GRID1: variants seen among roughly 807,000 people sequenced by gnomAD.
The protein encoded by GRID1 is glutamate receptor ionotropic, delta-1.
In GRID1, 28 loss-of-function variants were observed where a neutral mutation model predicts 98.0. The observed-to-expected ratio is 0.29, with a 90% CI of 0.21 to 0.39. The LOEUF (loss-of-function observed/expected upper bound fraction) is 0.39, where lower values mean the gene tolerates loss of function less well. Among genes scored for constraint, GRID1 ranks in the 10% least tolerant of loss-of-function variants. The pLI is 1.00. For synonymous variants in GRID1, 553 were observed against 538.5 expected (o/e 1.03, Z -0.37); for missense variants, 1,111 against 1,340.5 (o/e 0.83, Z 2.67).
chr10:85,846,593 A>G lies in GRID1; in HGVS notation c.1233+7903T>C, dbSNP rs369308256. Reference sequence around the variant, plus strand: ...GGCAGACAGAAAAAAAATACAAAACATGATTAAACAAATTAGACCTAGTTC... The same window carrying G: ...GGCAGACAGAAAAAAAATACAAAACGTGATTAAACAAATTAGACCTAGTTC... On this transcript the variant is annotated intron_variant, in intron 8 of 15. Transcript: ENST00000327946. Among the ~76,000 whole-genome samples, 340 of 152,324 alleles carry G rather than the reference A, an allele frequency of 2.2e-3. 3 individuals are homozygous for G. The highest frequency in any genetic ancestry group is 7.7e-3 in the African/African-American group (321 of 41,578).
At position 85,999,223 on chromosome 10, in the gene GRID1, AAAAAG is replaced by A. The variant is rs1226461181; in HGVS notation, c.727-82989_727-82985del. ...CAAGACTCTATTTCAAAAAAAAAAA[AAAAAG>A]AAAGAAAGAAAGAAAAACACAAACA... On this transcript the variant is annotated intron_variant, in intron 4 of 15. Coordinates refer to ENST00000327946, the MANE Select transcript of GRID1 (RefSeq NM_017551.3). Among the ~76,000 whole-genome samples, 253 of 151,862 alleles carry A rather than the reference AAAAAG, an allele frequency of 1.7e-3. 1 individual carries two copies. Among genetic ancestry groups the A allele is most frequent in the African/African-American group, 5.7e-3 (237 of 41,450 alleles).
intron 4 of GRID1, among the ~76,000 whole-genome samples, chr10:86,074,460 G>A (rs1270970548): frequency 6.6e-6 from 1 of 152,118 alleles, no homozygotes; most frequent in African/African-American, 2.4e-5. Flanking sequence ...TTAAGATAAT[G>A]ACCTAATTTA....
chr10:85,660,292 C>G (rs1352603028), intron 12 of GRID1, among the ~76,000 whole-genome samples: 1 of 152,170 alleles, frequency 6.6e-6, no homozygotes, highest in Non-Finnish European at 1.5e-5. Flanking sequence ...ATTATTCATC[C>G]CATTGACTTT....
At chr10:86,203,384 A>G (rs1435154744) in intron 3 of GRID1, among the ~76,000 whole-genome samples, 1 of 151,968 alleles carries the variant, frequency 6.6e-6, no homozygotes, top group African/African-American at 2.4e-5. Flanking sequence ...CCGAGGGAGC[A>G]GCCACACTTG....
chr10:86,099,025 G>GACTTTGTAATT (rs1156673083), intron 4 of GRID1, among the ~76,000 whole-genome samples: 3 of 152,198 alleles, frequency 2.0e-5, no homozygotes, highest in African/African-American at 7.2e-5. Context: ...TTCTTTGTAA[G>GACTTTGTAATT]ACTAATGGGA....
chr10:86,155,777 G>A (rs1245647727), intron 3 of GRID1, among the ~76,000 whole-genome samples: 3 of 152,218 alleles, frequency 2.0e-5, no homozygotes, highest in Non-Finnish European at 4.4e-5. Context: ...GGAATAGGGA[G>A]GGCAGGAGGG....
intron 4 of GRID1, among the ~76,000 whole-genome samples, chr10:86,106,249 C>T (rs767728207): frequency 2.0e-5 from 3 of 152,214 alleles, no homozygotes; most frequent in Admixed American, 6.5e-5. Context: ...CAATGTCCAA[C>T]AACAGGAAAC....
chr10:85,738,478 C>A (rs1332311028), intron 8 of GRID1, among the ~76,000 whole-genome samples: 1 of 152,184 alleles, frequency 6.6e-6, no homozygotes, highest in Non-Finnish European at 1.5e-5. Context: ...ATGTTAAGCC[C>A]AGCAATTCCA....
At chr10:85,769,987 T>C (rs917742762) in intron 8 of GRID1, among the ~76,000 whole-genome samples, 2 of 152,196 alleles carry the variant, frequency 1.3e-5, no homozygotes, top group Non-Finnish European at 1.5e-5. Flanking sequence ...TCTCCCAGCA[T>C]GCAGCTGGAG....
At chr10:86,117,625 A>G (rs912888910) in intron 4 of GRID1, among the ~76,000 whole-genome samples, 1 of 150,444 alleles carries the variant, frequency 6.6e-6, no homozygotes, top group Non-Finnish European at 1.5e-5. Context: ...CACCACCACC[A>G]TCACCACCAC....
chr10:86,253,278 C>T (rs1240208329), intron 2 of GRID1, among the ~76,000 whole-genome samples: 1 of 152,260 alleles, frequency 6.6e-6, no homozygotes, highest in African/African-American at 2.4e-5. Context: ...GAGGCCTGCT[C>T]TTGGGAGAAC....
At chr10:86,056,108 G>A (rs972021221) in intron 4 of GRID1, among the ~76,000 whole-genome samples, 3 of 152,134 alleles carry the variant, frequency 2.0e-5, no homozygotes, top group Non-Finnish European at 4.4e-5. Context: ...GCTGTGACCA[G>A]AGCAGGTGGA....
intron 8 of GRID1, among the ~76,000 whole-genome samples, chr10:85,798,349 T>C (rs1213263250): frequency 2.6e-5 from 4 of 152,168 alleles, no homozygotes; most frequent in African/African-American, 7.2e-5. Context: ...TCAGACAATA[T>C]AGAAATTAAG....
At chr10:85,991,948 C>T (rs10887540) in intron 4 of GRID1, among the ~76,000 whole-genome samples, 108,636 of 152,048 alleles carry the variant, frequency 0.71, 39,281 homozygotes, top group South Asian at 0.85. Flanking sequence ...AGGAAGAGAT[C>T]AGTAATGCAG....
chr10:86,055,031 G>C (rs370569297), intron 4 of GRID1, among the ~76,000 whole-genome samples: 2 of 152,160 alleles, frequency 1.3e-5, no homozygotes, highest in Non-Finnish European at 2.9e-5. Context: ...GCTGGGGATG[G>C]AAGACCATGT....
chr10:85,797,609 ATTTTTT>A, intron 8 of GRID1, among the ~76,000 whole-genome samples: 1 of 118,000 alleles, frequency 8.5e-6, no homozygotes, highest in East Asian at 2.4e-4. Flanking sequence ...CTAAATCTGT[ATTTTTT>A]TTTTTTTTTT....
At chr10:86,341,259 G>C (rs1054264844) in intron 2 of GRID1, among the ~76,000 whole-genome samples, 7 of 152,150 alleles carry the variant, frequency 4.6e-5, no homozygotes, top group African/African-American at 1.7e-4. Flanking sequence ...GGAGCAGAGT[G>C]CTTCTAGAGA....
At chr10:85,750,946 CATT>C (rs1426965838) in intron 8 of GRID1, among the ~76,000 whole-genome samples, 36 of 152,250 alleles carry the variant, frequency 2.4e-4, no homozygotes, top group African/African-American at 8.2e-4. Flanking sequence ...ATTGTATTAA[CATT>C]AGAAAATATT....
chr10:86,281,852 T>G (rs1162674453), intron 2 of GRID1, among the ~76,000 whole-genome samples: 1 of 152,206 alleles, frequency 6.6e-6, no homozygotes, highest in Admixed American at 6.5e-5. Flanking sequence ...GACCCTGGCC[T>G]GGGAAGGACT....
Sources: gnomAD v4.1 joint callset for allele counts (sites outside exome capture counted in the v4.1 genomes callset) on GRCh38, gnomAD v4.1.1 for gene constraint, MANE v1.5 for transcripts, NCBI Gene and HGNC (gene_info 2026-07-23, HGNC 2026-07-21) for gene names.